S100Z: variants seen among roughly 807,000 people sequenced by gnomAD.
S100Z encodes the protein S100 calcium binding protein Z, also known as protein S100-Z.
In S100Z, 11 loss-of-function variants were observed where a neutral mutation model predicts 8.5. The ratio of observed to expected loss-of-function variants is 1.30; its 90% confidence interval spans 0.82 to 2.15. S100Z has a LOEUF of 2.15. Ranked by LOEUF, S100Z falls within the 30% of genes most tolerant of loss-of-function variation. The pLI, the probability that S100Z is intolerant of heterozygous loss-of-function variation, is 0.00. For missense variants in S100Z, 126 were observed against 117.9 expected (o/e 1.07, Z -0.32); for synonymous variants, 34 against 43.8 (o/e 0.78, Z 0.89).
intron 2 of S100Z, among the ~76,000 whole-genome samples, chr5:76,872,005 G>A (rs1380959184): frequency 6.6e-6 from 1 of 152,228 alleles, no homozygotes; most frequent in Admixed American, 6.5e-5. Context: ...GGGAGGCTAA[G>A]GCAGGAGGAT....
At chr5:76,917,777 A>G (rs1360995137) in intron 4 of S100Z, among the ~76,000 whole-genome samples, 1 of 151,240 alleles carries the variant, frequency 6.6e-6, no homozygotes, top group Non-Finnish European at 1.5e-5. Context: ...AAACCGAGAT[A>G]ACACCACTGT....
chr5:76,872,723 G>A (rs763367184), intron 2 of S100Z, among the ~76,000 whole-genome samples: 32 of 152,306 alleles, frequency 2.1e-4, no homozygotes, highest in African/African-American at 7.2e-4. Context: ...CATTTTGGGA[G>A]GCCAAGGCAG....
At chr5:76,906,304 CTT>C (rs1443707734) in intron 4 of S100Z, among the ~76,000 whole-genome samples, 1 of 152,132 alleles carries the variant, frequency 6.6e-6, no homozygotes, top group East Asian at 1.9e-4. Context: ...AATCTAATCT[CTT>C]GGCAATTTTC....
At chr5:76,888,611 T>G (rs1351799106) in intron 4 of S100Z, among the ~76,000 whole-genome samples, 2 of 151,886 alleles carry the variant, frequency 1.3e-5, no homozygotes, top group Non-Finnish European at 2.9e-5. Flanking sequence ...CTCCTGACCT[T>G]GTGATCCGCC....
At chr5:76,864,363 T>C (rs984107328) in intron 1 of S100Z, among the ~76,000 whole-genome samples, 2 of 150,644 alleles carry the variant, frequency 1.3e-5, no homozygotes, top group Admixed American at 6.7e-5. Flanking sequence ...TAAACAGCTA[T>C]GTTACTGCTT....
intron 4 of S100Z, among the ~76,000 whole-genome samples, chr5:76,909,300 T>C (rs1434495035): frequency 6.6e-6 from 1 of 152,092 alleles, no homozygotes; most frequent in Non-Finnish European, 1.5e-5. Context: ...ATTTGATCCA[T>C]AAACCCTGAA....
At chr5:76,906,974 GTGTATATATATATATATATATA>G (rs1431554578) in intron 4 of S100Z, among the ~76,000 whole-genome samples, 1,579 of 114,682 alleles carry the variant, frequency 0.014, 80 homozygotes, top group African/African-American at 0.078. Context: ...CATTGTGTGT[GTGTATATATATATATATATATA>G]TATATATATA....
At chr5:76,876,092 G>C (rs1295132429) in intron 3 of S100Z, among the ~76,000 whole-genome samples, 3 of 152,180 alleles carry the variant, frequency 2.0e-5, no homozygotes, top group Non-Finnish European at 2.9e-5. Flanking sequence ...GTACATTGTA[G>C]CGTTTGGGGC....
chr5:76,888,480 A>G (rs552144236), intron 4 of S100Z, among the ~76,000 whole-genome samples: 1 of 138,782 alleles, frequency 7.2e-6, no homozygotes, highest in African/African-American at 2.7e-5. Flanking sequence ...GGTTCACGCC[A>G]TTCTCCTGTC....
intron 1 of S100Z, among the ~76,000 whole-genome samples, chr5:76,852,287 G>C (rs904535520): frequency 6.6e-6 from 1 of 152,060 alleles, no homozygotes; most frequent in Non-Finnish European, 1.5e-5. Context: ...AAAAAAATTA[G>C]TCAAGATATT....
chr5:76,886,291 G>A (rs925882665), intron 4 of S100Z, among the ~76,000 whole-genome samples: 9 of 152,064 alleles, frequency 5.9e-5, no homozygotes, highest in South Asian at 2.1e-4. Context: ...TTGGGTCCAC[G>A]GATAAAATGT....
the S100Z span, among the ~76,000 whole-genome samples, chr5:76,938,323 A>G: frequency 1.3e-5 from 2 of 152,160 alleles, no homozygotes; most frequent in Non-Finnish European, 2.9e-5. Context: ...TTCTTACTCA[A>G]AAAGGCAGGG....
intron 4 of S100Z, among the ~76,000 whole-genome samples, chr5:76,917,667 A>G (rs1043822031): frequency 6.6e-6 from 1 of 152,166 alleles, no homozygotes; most frequent in Admixed American, 6.5e-5. Context: ...TATTGAAAAC[A>G]CAAAAATTAG....
rs80327271 is a variant in S100Z at position 76,882,682 on chromosome 5, G to A, written c.*2+4848G>A. ...GTGTATTTTCATGAAGAATTATGTC[G>A]AGATAGGTAATGGATGAGGAAGAAA... is the stretch of plus-strand genomic sequence containing the variant. On this transcript the variant is annotated intron_variant, in intron 4 of 4. Coordinates refer to ENST00000317593, the MANE Select transcript of S100Z (RefSeq NM_130772.4). 5.6e-3 allele frequency among the ~76,000 whole-genome samples: 858 copies of A among 152,138 alleles called. 7 individuals are homozygous for A. The highest frequency in any genetic ancestry group is 0.019 in the African/African-American group (805 of 41,484).
intron 4 of S100Z, among the ~76,000 whole-genome samples, chr5:76,916,338 C>T (rs1290762601): frequency 6.6e-6 from 1 of 151,878 alleles, no homozygotes; most frequent in Non-Finnish European, 1.5e-5. Context: ...TCCACAATTA[C>T]AATTGAAGAC....
intron 4 of S100Z, among the ~76,000 whole-genome samples, chr5:76,886,047 G>T (rs1743617214): frequency 1.3e-5 from 2 of 151,506 alleles, no homozygotes; most frequent in Admixed American, 1.3e-4. Context: ...GAAGGGGTGG[G>T]GAGTGCTTGC....
the S100Z span, among the ~76,000 whole-genome samples, chr5:76,932,555 T>C: frequency 1.3e-5 from 2 of 152,198 alleles, no homozygotes; most frequent in Non-Finnish European, 2.9e-5. Flanking sequence ...GGTTTCATCA[T>C]GTTGGCCAGG....
At chr5:76,851,230 G>A (rs576371473) in intron 1 of S100Z, among the ~76,000 whole-genome samples, 1 of 152,292 alleles carries the variant, frequency 6.6e-6, no homozygotes, top group African/African-American at 2.4e-5. Context: ...CCACGTGTGC[G>A]GCACAGATGG....
rs1743825185 is a variant in S100Z at position 76,890,621 on chromosome 5, C to T, written c.*2+12787C>T. 3.9e-5 allele frequency among the ~76,000 whole-genome samples: 6 copies of T among 152,026 alleles called. No homozygotes were observed. In the South Asian group the frequency reaches 1.2e-3, roughly 32 times the overall value. On this transcript the variant is annotated intron_variant, in intron 4 of 4. Transcript: ENST00000317593. ...TCTATGATTGTGCCACCACACTAGC[C>T]TGGGTGACAGAGTAAGACCCGGTCT...
Sources: allele counts gnomAD v4.1 joint callset (sites outside exome capture counted in the v4.1 genomes callset), GRCh38; gene constraint gnomAD v4.1.1; transcripts MANE v1.5; gene names NCBI Gene and HGNC (gene_info 2026-07-23, HGNC 2026-07-21).